C1orf146: variants seen among roughly 807,000 people sequenced by gnomAD.
C1orf146 encodes the protein protein SPO16 homolog.
C1orf146 carries 22 observed loss-of-function variants against 23.0 expected under a neutral mutation model. The observed-to-expected ratio is 0.96, with a 90% CI of 0.68 to 1.36. C1orf146 has a LOEUF of 1.36. Among genes scored for constraint, C1orf146 ranks in the 40% most tolerant of loss-of-function variants. The pLI is 0.00. For missense variants in C1orf146, 199 were observed against 206.8 expected (o/e 0.96, Z 0.23); for synonymous variants, 59 against 65.3 (o/e 0.90, Z 0.47).
intron 1 of C1orf146, among the ~76,000 whole-genome samples, chr1:92,224,463 T>C (rs1195931120): frequency 1.3e-5 from 2 of 152,244 alleles, no homozygotes; most frequent in Non-Finnish European, 1.5e-5. Flanking sequence ...ACAATTATTA[T>C]GTCCTATTTT....
chr1:92,233,609 A>C (rs113871965), intron 2 of C1orf146, among the ~76,000 whole-genome samples: 1 of 152,128 alleles, frequency 6.6e-6, no homozygotes, highest in Admixed American at 6.5e-5. Context: ...TTTTGGTTCC[A>C]TGTGAACTTT....
intron 2 of C1orf146, among the ~76,000 whole-genome samples, chr1:92,239,732 CAGAG>C (rs1203385633): frequency 6.6e-6 from 1 of 150,848 alleles, no homozygotes; most frequent in African/African-American, 2.4e-5. Flanking sequence ...GTCTGGGTGA[CAGAG>C]TGAGACCCTG....
chr1:92,243,934 T>C (rs1370487647), intron 3 of C1orf146, among the ~76,000 whole-genome samples: 1 of 151,972 alleles, frequency 6.6e-6, no homozygotes, highest in East Asian at 1.9e-4. Flanking sequence ...AGTATCTTCA[T>C]GTGGACAATG....
At chr1:92,227,308 C>T (rs943850777) in intron 1 of C1orf146, among the ~76,000 whole-genome samples, 2 of 151,928 alleles carry the variant, frequency 1.3e-5, no homozygotes, top group African/African-American at 2.4e-5. Context: ...TTTGGGAGGC[C>T]GAGGCGGGCG....
intron 2 of C1orf146, among the ~76,000 whole-genome samples, chr1:92,233,354 T>G (rs1166692755): frequency 6.6e-6 from 1 of 151,466 alleles, no homozygotes; most frequent in African/African-American, 2.4e-5. Context: ...CAGCACCATT[T>G]ATTAAATAGG....
At chr1:92,226,382 T>A (rs1245135791) in intron 1 of C1orf146, among the ~76,000 whole-genome samples, 1 of 151,490 alleles carries the variant, frequency 6.6e-6, no homozygotes, top group African/African-American at 2.4e-5. Context: ...TATACTCACA[T>A]GCATACATGC....
At chr1:92,237,067 G>A (rs1652296318) in intron 2 of C1orf146, among the ~76,000 whole-genome samples, 1 of 151,962 alleles carries the variant, frequency 6.6e-6, no homozygotes, top group Admixed American at 6.6e-5. Flanking sequence ...TCCTCCTGTA[G>A]CTCGTAGTTT....
intron 1 of C1orf146, among the ~76,000 whole-genome samples, chr1:92,225,042 G>T (rs1411381574): frequency 6.6e-6 from 1 of 150,796 alleles, no homozygotes; most frequent in Non-Finnish European, 1.5e-5. Context: ...TGCCCGGCTT[G>T]TTCCTATTTT....
At chr1:92,237,152 A>T (rs955666374) in intron 2 of C1orf146, among the ~76,000 whole-genome samples, 2 of 152,156 alleles carry the variant, frequency 1.3e-5, no homozygotes, top group Non-Finnish European at 2.9e-5. Flanking sequence ...CTGGTGAGGA[A>T]CTGTGATCCT....
intron 1 of C1orf146, among the ~76,000 whole-genome samples, chr1:92,226,773 T>G (rs559707958): frequency 1.2e-4 from 18 of 152,228 alleles, no homozygotes; most frequent in Non-Finnish European, 2.2e-4. Flanking sequence ...ACTGATGTAT[T>G]TGGGTTTAGT....
At chr1:92,243,656 T>C (rs1243086904) in intron 3 of C1orf146, among the ~76,000 whole-genome samples, 1 of 152,186 alleles carries the variant, frequency 6.6e-6, no homozygotes, top group Non-Finnish European at 1.5e-5. Context: ...AAGGCTTGCT[T>C]AAGACTCTCT....
At chr1:92,224,179 G>A (rs990445639) in intron 1 of C1orf146, among the ~76,000 whole-genome samples, 1 of 151,034 alleles carries the variant, frequency 6.6e-6, no homozygotes, top group South Asian at 2.1e-4. Context: ...GCCTCCCGAG[G>A]AGCTGGGACT....
rs932031121 is a variant in C1orf146 at position 92,242,386 on chromosome 1, C to T, written c.160+81C>T. On this transcript the variant is annotated intron_variant, in intron 3 of 5. Transcript: ENST00000370375. ...TCTAATGACTTCATAGTTCAGTAACCATGTAATGTATTATCTTTTGGGAAG... is the reference window on the plus strand; with the variant it reads ...TCTAATGACTTCATAGTTCAGTAACTATGTAATGTATTATCTTTTGGGAAG... 1.4e-5 allele frequency: 10 copies of T among 704,594 alleles called. No homozygotes were observed. The South Asian group carries it at 2.2e-4, about 15-fold the overall frequency. 43.6% of individuals were successfully genotyped at this position (704,594 alleles called of 1,614,324 possible). A position where few individuals can be genotyped will look rare whatever the true frequency, so the allele number is the denominator to read the frequency against.
intron 1 of C1orf146, among the ~76,000 whole-genome samples, chr1:92,221,878 GAC>G (rs1179508271): frequency 6.6e-6 from 1 of 152,160 alleles, no homozygotes; most frequent in Admixed American, 6.5e-5. Context: ...CTTCTCTTCT[GAC>G]ACAACAGAAT....
At chr1:92,245,024 C>G (rs1570801657) in intron 5 of C1orf146, among the ~76,000 whole-genome samples, 167 bp downstream of exon 5, 1 of 152,324 alleles carries the variant, frequency 6.6e-6, no homozygotes, top group Non-Finnish European at 1.5e-5. Context: ...CTTAAGTCTT[C>G]TCAATTTACT....
chr1:92,226,973 T>C (rs1364910031), intron 1 of C1orf146, among the ~76,000 whole-genome samples: 1 of 152,222 alleles, frequency 6.6e-6, no homozygotes, highest in East Asian at 1.9e-4. Flanking sequence ...AAATGCATGA[T>C]TGACTTATCA....
At chr1:92,235,754 T>C (rs1318888309) in intron 2 of C1orf146, among the ~76,000 whole-genome samples, 1 of 152,190 alleles carries the variant, frequency 6.6e-6, no homozygotes, top group African/African-American at 2.4e-5. Flanking sequence ...TAAGTCTCTT[T>C]GTAGGTCACT....
At chr1:92,243,945 T>C (rs1652497116) in intron 3 of C1orf146, among the ~76,000 whole-genome samples, 2 of 151,886 alleles carry the variant, frequency 1.3e-5, no homozygotes, top group Non-Finnish European at 2.9e-5. Context: ...GTGGACAATG[T>C]CTTCATCTAG....
intron 2 of C1orf146, among the ~76,000 whole-genome samples, chr1:92,231,703 T>C (rs1022512867): frequency 1.3e-5 from 2 of 152,036 alleles, no homozygotes; most frequent in Admixed American, 6.6e-5. Flanking sequence ...GTTGGAGATT[T>C]TCTAAAGTTT....
Sources: gnomAD v4.1 joint callset for allele counts (sites outside exome capture counted in the v4.1 genomes callset) on GRCh38, gnomAD v4.1.1 for gene constraint, MANE v1.5 for transcripts, NCBI Gene and HGNC (gene_info 2026-07-23, HGNC 2026-07-21) for gene names.